SERINC2: variants seen among roughly 807,000 people sequenced by gnomAD.
The protein encoded by SERINC2 is tumor differentially expressed protein 2.
Under a neutral mutation model 54.2 loss-of-function variants are expected in SERINC2, and 56 were observed. The ratio of observed to expected loss-of-function variants is 1.03; its 90% CI spans 0.83 to 1.29. The LOEUF is 1.29. Ranked by LOEUF, SERINC2 falls within the 50% of genes most tolerant of loss-of-function variation. The pLI is 0.00. For missense variants in SERINC2, 614 were observed against 607.4 expected (o/e 1.01, Z -0.12); for synonymous variants, 272 against 253.1 (o/e 1.07, Z -0.71).
chr1:31,431,896 AGGGT>A (rs1641243014), intron 8 of SERINC2, among the ~76,000 whole-genome samples: 2 of 147,044 alleles, frequency 1.4e-5, no homozygotes, highest in African/African-American at 2.5e-5. Flanking sequence ...CAGGGTGGAT[AGGGT>A]GGATAGGGTG....
intron 8 of SERINC2, among the ~76,000 whole-genome samples, 175 bp from the exon 9 acceptor site, chr1:31,432,792 G>A (rs1221726769): frequency 6.6e-6 from 1 of 152,142 alleles, no homozygotes; most frequent in Non-Finnish European, 1.5e-5. Context: ...TTTTGCTCAA[G>A]GTCACACAGA....
At chr1:31,424,533 T>G in intron 2 of SERINC2, 150 bp from the exon 3 acceptor site, 2 of 647,906 alleles carry the variant, frequency 3.1e-6, no homozygotes, top group East Asian at 5.8e-5. Context: ...GAGATAGAGG[T>G]GAGGGGCTCC....
chr1:31,431,787 T>TAGGGTGGTTAGGGTGGAC (rs1641219058), intron 8 of SERINC2, among the ~76,000 whole-genome samples: 1 of 11,988 alleles, frequency 8.3e-5, no homozygotes, highest in African/African-American at 1.7e-4. Context: ...ATAGGGTGGA[T>TAGGGTGGTTAGGGTGGAC]AGGGTGGATA....
At position 31,434,300 on chromosome 1, in the gene SERINC2, A is replaced by T; in HGVS notation, c.*101A>T. 1 of 1,273,938 alleles carries T rather than the reference A, an allele frequency of 7.8e-7. No homozygotes were observed. Among genetic ancestry groups the T allele is most frequent in the Admixed American group, 1.9e-5 (1 of 51,916 alleles). The allele number at this position is 1,273,938 out of a possible 1,614,324, so 78.9% of individuals were successfully genotyped here. On this transcript the variant is annotated 3_prime_UTR_variant, in exon 10 of 10. Transcript: ENST00000373709. ...CTCCCCACACCAATCAGCCAGGCTG[A>T]GCCCCCACCCCTGCCCCAGCTCCAG...
intron 8 of SERINC2, 92 bp downstream of exon 8, chr1:31,429,630 G>T: frequency 7.4e-7 from 1 of 1,357,392 alleles, no homozygotes; most frequent in African/African-American, 1.5e-5. Flanking sequence ...TACCAAACTG[G>T]AACGTGCTCT....
rs1189446882 is a variant in SERINC2, at chr1:31,413,358, C to A, written c.39+54C>A. The A allele has an allele frequency of 2.0e-6, 2 of 988,688 alleles. No individual in the cohort carries two copies. Among genetic ancestry groups the A allele is most frequent in the Non-Finnish European group, 2.6e-6 (2 of 764,476 alleles). 61.2% of individuals were successfully genotyped at this position (988,688 alleles called of 1,614,324 possible). A position where few individuals can be genotyped will look rare whatever the true frequency, so the allele number is the denominator to read the frequency against. ...GCGCGCCGCCCGTTCCTGCTGCGGG[C>A]CCTCACTTTCTTCTGTTCTGCTCCG... On this transcript the variant is annotated intron_variant, in intron 1 of 9. Transcript: ENST00000373709. This position sits in a 1 kb window ranked among gnomAD's most constrained non-coding sequence, Gnocchi z 5.0.
At chr1:31,429,263 C>G (rs1264228999) in intron 7 of SERINC2, 134 bp from the exon 8 acceptor site, 1 of 1,191,584 alleles carries the variant, frequency 8.4e-7, no homozygotes, top group Non-Finnish European at 1.2e-6. Context: ...GCTGAGCGCT[C>G]TGTTGCTGGG....
At chr1:31,417,160 A>G (rs1212519155) in intron 1 of SERINC2, among the ~76,000 whole-genome samples, 1 of 152,202 alleles carries the variant, frequency 6.6e-6, no homozygotes, top group Admixed American at 6.5e-5. Context: ...ACATCTTCTT[A>G]CTGTCAGCCC....
At position 31,432,993 on chromosome 1, in the gene SERINC2, T is replaced by A; in HGVS notation, c.1040T>A (p.Val347Glu). The A allele has an allele frequency of 6.2e-7, 1 of 1,610,188 alleles. No homozygotes were observed. The highest frequency in any genetic ancestry group is 8.5e-7 in the Non-Finnish European group (1 of 1,179,156). Residue 347 changes from valine to glutamate, a missense_variant, in exon 9 of 10, where the codon GTG becomes GAG. Coordinates refer to ENST00000373709, the MANE Select transcript of SERINC2 (RefSeq NM_178865.5). Reference protein sequence around the residue: ...ISLRSSDHRQVNSLMQTEECP... With the variant: ...ISLRSSDHRQENSLMQTEECP... Reference sequence around the variant, plus strand: ...CTGCGCTCCTCAGACCACCGGCAGGTGAACAGCCTGATGCAGACCGAGGAG... The same window carrying A: ...CTGCGCTCCTCAGACCACCGGCAGGAGAACAGCCTGATGCAGACCGAGGAG...
chr1:31,423,895 G>A (rs781884927), intron 2 of SERINC2, 41 bp downstream of exon 2: 2 of 1,592,466 alleles, frequency 1.3e-6, no homozygotes, highest in South Asian at 2.2e-5. Context: ...CCAGCGAGGG[G>A]CGTCAGTGGC....
chr1:31,419,771 G>T (rs1170977609), intron 1 of SERINC2, among the ~76,000 whole-genome samples: 1 of 152,202 alleles, frequency 6.6e-6, no homozygotes, highest in Non-Finnish European at 1.5e-5. Context: ...TGAGGCTTCA[G>T]TGAGCTGAGA....
intron 8 of SERINC2, among the ~76,000 whole-genome samples, chr1:31,432,138 C>G (rs190281690): frequency 0.091 from 494 of 5,428 alleles, 43 homozygotes; most frequent in Middle Eastern, 0.12. Flanking sequence ...ATAGGGTGGA[C>G]AGGGTGGACA....
upstream of SERINC2, among the ~76,000 whole-genome samples, chr1:31,412,100 C>A (rs1181405476): frequency 6.6e-6 from 1 of 151,014 alleles, no homozygotes; most frequent in Non-Finnish European, 1.5e-5. Flanking sequence ...AGTCCTGGTG[C>A]AATTAATGGC....
intron 3 of SERINC2, 75 bp downstream of exon 3, chr1:31,424,948 T>C (rs1316133028): frequency 2.0e-5 from 26 of 1,281,244 alleles, no homozygotes; most frequent in Non-Finnish European, 2.8e-5. Context: ...TGTCCAGGGA[T>C]CTGCAGACCC....
Position 31,413,270 on chromosome 1 carries a change from G to C in SERINC2, c.5G>C (p.Gly2Ala), listed in dbSNP as rs782236815. 9 of 1,248,240 alleles carry C rather than the reference G, an allele frequency of 7.2e-6. No homozygotes were observed. The highest frequency in any genetic ancestry group is 2.4e-4 in the Middle Eastern group (1 of 4,142). 77.3% of individuals were successfully genotyped at this position (1,248,240 alleles called of 1,614,324 possible). The part of the protein sequence containing the change: M[G>A]ACLGACSLLS... ...CCGAAGCCGGGAGCCGCCGCCATGG[G>C]GGCCTGCCTGGGAGCCTGCTCCCTG... Residue 2 changes from glycine to alanine, a missense_variant, in exon 1 of 10, where the codon GGG (glycine) becomes GCG (alanine). Gly to Ala is a moderately conservative substitution (Grantham distance 60). Transcript: ENST00000373709. This position sits in a 1 kb window ranked among gnomAD's most constrained non-coding sequence, Gnocchi z 5.0.
intron 8 of SERINC2, among the ~76,000 whole-genome samples, chr1:31,432,093 C>CAGGGTGGACAGGGTGGAT (rs1641283365): frequency 6.0e-5 from 1 of 16,544 alleles, no homozygotes. Flanking sequence ...TTAGGGTGGA[C>CAGGGTGGACAGGGTGGAT]AGGGTGGACA....
At chr1:31,409,943 G>T (rs1640621866), upstream of SERINC2, 1 of 1,219,714 alleles carries the variant, frequency 8.2e-7, no homozygotes, top group African/African-American at 1.5e-5. Flanking sequence ...CTCAGGCCCA[G>T]TGAGATCAGA....
chr1:31,419,574 T>C (rs1188510237), intron 1 of SERINC2, among the ~76,000 whole-genome samples: 1 of 152,190 alleles, frequency 6.6e-6, no homozygotes, highest in African/African-American at 2.4e-5. Context: ...ATGCCTATAA[T>C]CCCAGCACTT....
chr1:31,429,545 C>A lies in SERINC2; in HGVS notation c.1013+7C>A. On this transcript the variant is annotated splice_region_variant and intron_variant, in intron 8 of 9. Transcript: ENST00000373709. Reference sequence around the variant, plus strand: ...TGTGCACCCTCTTCATCAGGTATGGCCAGGTCTGGATTCTGGGGAAGGATC... The same window carrying A: ...TGTGCACCCTCTTCATCAGGTATGGACAGGTCTGGATTCTGGGGAAGGATC... 1 of 1,597,472 alleles carries A rather than the reference C, an allele frequency of 6.3e-7. No homozygotes were observed.
Sources: allele counts gnomAD v4.1 joint callset (sites outside exome capture counted in the v4.1 genomes callset), GRCh38; gene constraint gnomAD v4.1.1; non-coding constraint Gnocchi (gnomAD v3.1); transcripts MANE v1.5; gene names NCBI Gene and HGNC (gene_info 2026-07-23, HGNC 2026-07-21).